Variants in MIB1 observed in about 807,000 individuals in gnomAD.
MIB1 encodes the protein MIB E3 ubiquitin protein ligase 1, also known as E3 ubiquitin-protein ligase MIB1.
MIB1 carries 278 observed loss-of-function variants against 124.5 expected under a neutral mutation model. The ratio of observed to expected loss-of-function variants is 2.23; its 90% CI spans 2.02 to 2.47. The LOEUF (loss-of-function observed/expected upper bound fraction) is 2.47, where lower values mean the gene tolerates loss of function less well. Among genes scored for constraint, MIB1 ranks in the 30% most tolerant of loss-of-function variants. The probability of loss-of-function intolerance (pLI) is 0.00; values close to 1 mark genes in which losing one functional copy is unlikely to be tolerated. For synonymous variants in MIB1, 446 were observed against 429.4 expected, an observed-to-expected ratio of 1.04 and a Z score of -0.48; for missense variants, 957 against 1,254.4, an observed-to-expected ratio of 0.76 and a Z score of 3.58.
intron 1 of MIB1, among the ~76,000 whole-genome samples, chr18:21,709,257 G>A (rs1201930313): frequency 6.7e-6 from 1 of 148,380 alleles, no homozygotes; most frequent in Non-Finnish European, 1.5e-5. Flanking sequence ...GGTGGAGCTT[G>A]CAGTGAGCCC....
upstream of MIB1, among the ~76,000 whole-genome samples, chr18:21,737,881 A>G (rs1466840636): frequency 2.0e-5 from 3 of 152,200 alleles, no homozygotes; most frequent in Non-Finnish European, 2.9e-5. Flanking sequence ...TCATAAAGCA[A>G]GTTCTTAGAG....
intron 19 of MIB1, among the ~76,000 whole-genome samples, chr18:21,857,880 G>T (rs1378654391): frequency 1.3e-5 from 2 of 152,230 alleles, no homozygotes; most frequent in Admixed American, 6.5e-5. Context: ...GCATTAGTGT[G>T]TAGCAACTTC....
At position 21,858,564 on chromosome 18, in the gene MIB1, T is replaced by A; in HGVS notation, c.2798T>A (p.Val933Glu). The A allele has an allele frequency of 1.3e-6, 2 of 1,559,926 alleles. No homozygotes were observed. Among genetic ancestry groups the A allele is most frequent in the South Asian group, 2.3e-5 (2 of 88,414 alleles). The change falls in exon 20 of 21, where the codon GTA becomes GAA. Residue 933 changes from valine (V) to glutamate (E), a missense_variant. Transcript: ENST00000261537. ...ATTATAGCAAGTGGGAATATTCCAG[T>A]ATTACAAAAGGACAAGGATAATACC... is the stretch of plus-strand genomic sequence containing the variant. ...TDDISSGNIP[V>E]LQKDKDNTNV... is the part of the protein sequence containing the mutation.
At chr18:21,843,919 CT>C (rs1304573143) in intron 14 of MIB1, among the ~76,000 whole-genome samples, 172 bp from the exon 15 acceptor site, 1 of 152,098 alleles carries the variant, frequency 6.6e-6, no homozygotes, top group Non-Finnish European at 1.5e-5. Context: ...ACACGTGACT[CT>C]TTGTAAGGAG....
chr18:21,771,413 G>C (rs553594230), intron 3 of MIB1, among the ~76,000 whole-genome samples: 1 of 152,202 alleles, frequency 6.6e-6, no homozygotes, highest in East Asian at 1.9e-4. Flanking sequence ...ACTTAATATA[G>C]CATCACATTT....
chr18:21,749,831 C>T (rs905721298), intron 1 of MIB1, among the ~76,000 whole-genome samples: 3 of 151,536 alleles, frequency 2.0e-5, no homozygotes, highest in Non-Finnish European at 2.9e-5. Flanking sequence ...CAGTAGAGAC[C>T]GTGTTTCCCC....
chr18:21,849,015 A>G (rs763417067), intron 16 of MIB1, among the ~76,000 whole-genome samples, 181 bp from the exon 17 acceptor site: 1 of 152,338 alleles, frequency 6.6e-6, no homozygotes, highest in South Asian at 2.1e-4. Context: ...AGAAGTATCT[A>G]AAGATGCAGA....
chr18:21,815,701 AT>A lies in MIB1; in HGVS notation c.1568del (p.Leu523Ter). ...VIEVLHRGSA[D>X]LNARNKRRQT... is the part of the protein sequence containing the mutation. ...GAAGTACTACATCGAGGTAGTGCTG[AT>A]TTGAATGCTCGAAACAAGCGCCGAC... On this transcript the variant is annotated frameshift_variant, in exon 11 of 21. Transcript: ENST00000261537. LOFTEE classifies it high-confidence loss of function. The A allele has an allele frequency of 6.2e-7, 1 of 1,614,152 alleles. No homozygotes were observed. Among genetic ancestry groups the A allele is most frequent in the Admixed American group, 1.7e-5 (1 of 60,020 alleles).
intron 7 of MIB1, among the ~76,000 whole-genome samples, chr18:21,794,599 G>A (rs924564210): frequency 3.2e-4 from 49 of 151,912 alleles, no homozygotes; most frequent in Non-Finnish European, 4.1e-4. Flanking sequence ...ATTTTGAAGG[G>A]GCACATTGCA....
At position 21,798,313 on chromosome 18, in the gene MIB1, T is replaced by C. The variant is rs923418346; in HGVS notation, c.1237+85T>C. On this transcript the variant is annotated intron_variant, in intron 8 of 20. Coordinates refer to ENST00000261537, the MANE Select transcript of MIB1 (RefSeq NM_020774.4). Reference sequence around the variant, plus strand: ...TTCCCCAGTTCTCATATACAGATAATGTTGTACATGTGCTTGGCTTTGTCC... The same window carrying C: ...TTCCCCAGTTCTCATATACAGATAACGTTGTACATGTGCTTGGCTTTGTCC... The C allele has an allele frequency of 7.3e-5, 94 of 1,292,170 alleles. No homozygotes were observed. In the African/African-American group the frequency reaches 1.3e-3, roughly 17 times the overall value. 80.0% of individuals were successfully genotyped at this position (1,292,170 alleles called of 1,614,324 possible).
chr18:21,757,059 A>ACATTTTCTTAATG (rs1239890581), intron 1 of MIB1, among the ~76,000 whole-genome samples: 2 of 152,118 alleles, frequency 1.3e-5, no homozygotes, highest in Admixed American at 1.3e-4. Flanking sequence ...GCAGCTCAAG[A>ACATTTTCTTAATG]CATTTTCTTA....
intron 1 of MIB1, among the ~76,000 whole-genome samples, chr18:21,725,340 G>A (rs1483864769): frequency 1.3e-5 from 2 of 152,136 alleles, no homozygotes; most frequent in East Asian, 1.9e-4. Context: ...AAGGAGGAAT[G>A]TATATGTGAG....
chr18:21,768,737 T>C lies in MIB1; in HGVS notation c.516T>C (p.Asn172=). The C allele has an allele frequency of 6.2e-7, 1 of 1,610,754 alleles. No individual in the cohort carries two copies. The change falls in exon 3 of 21, where the codon AAT becomes AAC. Residue 172 remains asparagine, a synonymous_variant. Transcript: ENST00000261537. The stretch of plus-strand genomic sequence containing the variant: ...AGTGGGAAGATCAAGATGGAGGAAA[T>C]GGACGTAGGGGAAAGGTACAGTGTT... ...DWQWEDQDGG[N]GRRGKVTEIQ...
chr18:21,733,152 A>C (rs1009320520), intron 1 of MIB1, among the ~76,000 whole-genome samples: 2 of 152,244 alleles, frequency 1.3e-5, no homozygotes. Flanking sequence ...CAGGGGCTTG[A>C]TTCCATTTGT....
intron 15 of MIB1, among the ~76,000 whole-genome samples, chr18:21,846,183 T>C (rs894203742): frequency 2.6e-5 from 4 of 152,206 alleles, no homozygotes; most frequent in Admixed American, 6.5e-5. Context: ...AATTTTAAAA[T>C]CATTTTTTAG....
intron 4 of MIB1, among the ~76,000 whole-genome samples, chr18:21,777,539 T>G (rs944469749): frequency 1.2e-4 from 19 of 152,276 alleles, no homozygotes; most frequent in African/African-American, 4.3e-4. Context: ...GTAATAAGAT[T>G]CAGACATTTT....
At chr18:21,785,084 CCT>C (rs915219133) in intron 6 of MIB1, among the ~76,000 whole-genome samples, 4 of 152,076 alleles carry the variant, frequency 2.6e-5, no homozygotes, top group African/African-American at 9.7e-5. Context: ...TGTAAGCTGT[CCT>C]CTCTCTCTTT....
chr18:21,759,573 A>G (rs1435016580), intron 1 of MIB1, among the ~76,000 whole-genome samples: 1 of 152,096 alleles, frequency 6.6e-6, no homozygotes, highest in Non-Finnish European at 1.5e-5. Flanking sequence ...ATTCAGCATT[A>G]TGGTGAAGGG....
intron 12 of MIB1, chr18:21,826,574 T>A (rs2041926212): frequency 6.6e-6 from 1 of 152,092 alleles, no homozygotes; most frequent in African/African-American, 2.4e-5. Context: ...TTAGTTACAA[T>A]CCATGGATAC....
Sources: gnomAD v4.1 joint callset for allele counts (sites outside exome capture counted in the v4.1 genomes callset) on GRCh38, gnomAD v4.1.1 for gene constraint, MANE v1.5 for transcripts, NCBI Gene and HGNC (gene_info 2026-07-23, HGNC 2026-07-21) for gene names.